The following DHRSX variants were observed in gnomAD, a reference collection of about 807,000 sequenced individuals.
The protein encoded by DHRSX is polyprenol dehydrogenase.
DHRSX carries 31 observed loss-of-function variants against 34.0 expected under a neutral mutation model. The observed-to-expected ratio is 0.91, with a 90% confidence interval of 0.69 to 1.23. The LOEUF (loss-of-function observed/expected upper bound fraction) is 1.23, where lower values mean the gene tolerates loss of function less well. DHRSX is among the 50% of genes most tolerant of loss of function. The pLI is 0.00. For synonymous variants in DHRSX, 201 were observed against 183.8 expected (o/e 1.09, Z -0.76); for missense variants, 414 against 428.1 (o/e 0.97, Z 0.29).
chrX:2,228,645 G>T (rs1397244859), intron 6 of DHRSX, among the ~76,000 whole-genome samples: 1 of 151,846 alleles, frequency 6.6e-6, no homozygotes, highest in Non-Finnish European at 1.5e-5. Flanking sequence ...TATCTGTGGT[G>T]ACTCTGAGAA....
chrX:2,329,383 A>C (rs2042429534), intron 3 of DHRSX, among the ~76,000 whole-genome samples: 1 of 152,174 alleles, frequency 6.6e-6, no homozygotes, highest in Non-Finnish European at 1.5e-5. Flanking sequence ...CAAACGCCAT[A>C]TTGGTTTTCT....
chrX:2,248,613 C>CAA (rs1357827255), intron 5 of DHRSX, among the ~76,000 whole-genome samples: 9 of 17,498 alleles, frequency 5.1e-4, no homozygotes, highest in African/African-American at 9.7e-4. Flanking sequence ...GACTCTGTCT[C>CAA]AAAAAAAAAA....
At chrX:2,436,038 C>CA (rs2043987060) in intron 1 of DHRSX, among the ~76,000 whole-genome samples, 1 of 151,666 alleles carries the variant, frequency 6.6e-6, no homozygotes, top group African/African-American at 2.4e-5. Flanking sequence ...ACTAAAAGTA[C>CA]AAAAATTAGC....
At chrX:2,416,598 C>T (rs2124643092) in intron 2 of DHRSX, among the ~76,000 whole-genome samples, 1 of 152,178 alleles carries the variant, frequency 6.6e-6, no homozygotes, top group African/African-American at 2.4e-5. Flanking sequence ...ATGAGAGAAA[C>T]ATATGAACAC....
chrX:2,287,248 C>CA (rs1235225090), intron 4 of DHRSX, among the ~76,000 whole-genome samples: 1 of 152,154 alleles, frequency 6.6e-6, no homozygotes, highest in Admixed American at 6.5e-5. Flanking sequence ...ATCATGACCC[C>CA]AAAAATGCCC....
In DHRSX at chrX:2,486,098, C is replaced by G. The variant is rs771035633; in HGVS notation, c.109+14719G>C. On this transcript the variant is annotated intron_variant, in intron 1 of 6. Coordinates refer to ENST00000334651, the MANE Select transcript of DHRSX (RefSeq NM_145177.3). The stretch of plus-strand genomic sequence containing the variant: ...CCATCCGGATCCATCCAGGCTGCCT[C>G]GTCCATGGGGCCTCCGTTTATACAA... Among the ~76,000 whole-genome samples, 5 of 152,084 alleles carry G rather than the reference C, an allele frequency of 3.3e-5. No individual in the cohort carries two copies. The South Asian group carries it at 1.0e-3, about 32-fold the overall frequency.
chrX:2,233,421 A>T lies in DHRSX; in HGVS notation c.804+9602T>A, dbSNP rs913688579. On this transcript the variant is annotated intron_variant, in intron 6 of 6. Transcript: ENST00000334651. Reference sequence around the variant, plus strand: ...CTTTAGAGACTGGCAAGAGGACAGAAGATGTATAAATGTGAACCCAAATCC... The same window carrying T: ...CTTTAGAGACTGGCAAGAGGACAGATGATGTATAAATGTGAACCCAAATCC... Among the ~76,000 whole-genome samples the T allele has an allele frequency of 2.0e-5, 3 of 152,238 alleles. No homozygotes were observed. The East Asian group carries it at 5.8e-4, about 29-fold the overall frequency.
intron 5 of DHRSX, among the ~76,000 whole-genome samples, chrX:2,257,166 G>A (rs2041291125): frequency 1.3e-5 from 2 of 152,178 alleles, no homozygotes; most frequent in African/African-American, 4.8e-5. Context: ...ATGTTGGCCA[G>A]GCTGGTCTTG....
chrX:2,295,911 T>C (rs1569484954), intron 3 of DHRSX, among the ~76,000 whole-genome samples: 1 of 152,168 alleles, frequency 6.6e-6, no homozygotes, highest in Non-Finnish European at 1.5e-5. Flanking sequence ...AATAGTTCCC[T>C]TCCTCCCATA....
chrX:2,447,119 C>T (rs1484912510), intron 1 of DHRSX, among the ~76,000 whole-genome samples: 1 of 151,796 alleles, frequency 6.6e-6, no homozygotes, highest in African/African-American at 2.4e-5. Flanking sequence ...GAAGATATTC[C>T]CTAAGAATGT....
intron 5 of DHRSX, among the ~76,000 whole-genome samples, chrX:2,244,898 G>A (rs1308301663): frequency 6.6e-6 from 1 of 151,776 alleles, no homozygotes; most frequent in Non-Finnish European, 1.5e-5. Context: ...TTTTAGTAGA[G>A]ACGAGGTTTC....
intron 1 of DHRSX, among the ~76,000 whole-genome samples, chrX:2,456,945 G>A (rs1267534607): frequency 6.6e-6 from 1 of 152,052 alleles, no homozygotes; most frequent in African/African-American, 2.4e-5. Context: ...GATGTGGACC[G>A]TGCAGGAGAA....
chrX:2,485,935 GGAA>G (rs995221570), intron 1 of DHRSX, among the ~76,000 whole-genome samples: 2 of 151,150 alleles, frequency 1.3e-5, no homozygotes, highest in Non-Finnish European at 3.0e-5. Flanking sequence ...AAGGAAGAAA[GGAA>G]GGATTTGTTG....
chrX:2,488,816 C>T (rs779419988), intron 1 of DHRSX: 17 of 1,613,790 alleles, frequency 1.1e-5, no homozygotes, highest in East Asian at 4.5e-5. Context: ...GGGAGCCAGC[C>T]GGTTCCTCTT....
At chrX:2,500,786 G>C in intron 1 of DHRSX, 31 bp downstream of exon 1, 10 of 641,200 alleles carry the variant, frequency 1.6e-5, no homozygotes, top group Non-Finnish European at 1.9e-5. Context: ...CCGGGTCCCC[G>C]GAGCCCTGAC....
chrX:2,455,737 G>A (rs1222532322), intron 1 of DHRSX, among the ~76,000 whole-genome samples: 2 of 93,566 alleles, frequency 2.1e-5, no homozygotes, highest in African/African-American at 4.2e-5. Context: ...ACAAAACTTC[G>A]TCTCAAAAAA....
rs1330408343 is a variant in DHRSX, at chrX:2,406,741, G to A, written c.286+2004C>T. Among the ~76,000 whole-genome samples the A allele has an allele frequency of 3.3e-5, 5 of 152,164 alleles. No individual in the cohort carries two copies. The South Asian group carries it at 1.0e-3, about 32-fold the overall frequency. On this transcript the variant is annotated intron_variant, in intron 3 of 6. Transcript: ENST00000334651. ...CAGGTGCCAGCCACCACGCTGGCCA[G>A]AATGATGATTTCTACAGTTAATTAC...
intron 5 of DHRSX, among the ~76,000 whole-genome samples, chrX:2,249,052 A>G (rs1173781404): frequency 1.3e-5 from 2 of 152,138 alleles, no homozygotes; most frequent in East Asian, 3.9e-4. Flanking sequence ...CTGTTCTCCT[A>G]TCACACTGTC....
At chrX:2,468,703 G>A (rs2044537835) in intron 1 of DHRSX, among the ~76,000 whole-genome samples, 1 of 151,184 alleles carries the variant, frequency 6.6e-6, no homozygotes, top group East Asian at 2.0e-4. Flanking sequence ...CGCTCCCAAA[G>A]AATGCAGCCA....
Sources: allele counts gnomAD v4.1 joint callset (sites outside exome capture counted in the v4.1 genomes callset), GRCh38; gene constraint gnomAD v4.1.1; transcripts MANE v1.5; gene names NCBI Gene and HGNC (gene_info 2026-07-23, HGNC 2026-07-21).